Variants in EARS2 observed in about 807,000 individuals in gnomAD.
EARS2 encodes nondiscriminating glutamyl-tRNA synthetase EARS2, mitochondrial.
EARS2 carries 50 observed loss-of-function variants against 54.1 expected under a neutral mutation model. The ratio of observed to expected loss-of-function variants is 0.92; its 90% CI spans 0.74 to 1.17. The LOEUF (loss-of-function observed/expected upper bound fraction) is 1.17, where lower values mean the gene tolerates loss of function less well. EARS2 is among the 50% of genes most tolerant of loss of function. The probability of loss-of-function intolerance (pLI) is 0.00; values close to 1 mark genes in which losing one functional copy is unlikely to be tolerated. For missense variants in EARS2, 673 were observed against 675.0 expected, an observed-to-expected ratio of 1.00 and a Z score of 0.03; for synonymous variants, 298 against 281.0, an observed-to-expected ratio of 1.06 and a Z score of -0.61.
intron 2 of EARS2, among the ~76,000 whole-genome samples, chr16:23,548,510 T>C (rs1227895981): frequency 6.6e-6 from 1 of 152,096 alleles, no homozygotes; most frequent in Non-Finnish European, 1.5e-5. Context: ...GCGTGGTACC[T>C]GATAAGTAGC....
Position 23,525,104 on chromosome 16 carries a change from G to A in EARS2, c.1488+140C>T, listed in dbSNP as rs1342086271. On this transcript the variant is annotated intron_variant, in intron 8 of 8. Transcript: ENST00000449606. Reference sequence around the variant, plus strand: ...TAGTAGGTACTCAATAGTGTCTGTTGATTGACTAAATGAGGGGAGTGATCA... The same window carrying A: ...TAGTAGGTACTCAATAGTGTCTGTTAATTGACTAAATGAGGGGAGTGATCA... The A allele has an allele frequency of 2.6e-6, 3 of 1,132,822 alleles. No homozygotes were observed. The African/African-American group carries it at 4.6e-5, about 17-fold the overall frequency. The allele number at this position is 1,132,822 out of a possible 1,614,324, so 70.2% of individuals were successfully genotyped here. A position where few individuals can be genotyped will look rare whatever the true frequency, so the allele number is the denominator to read the frequency against.
chr16:23,523,102 G>C lies in EARS2; in HGVS notation c.*1269C>G, dbSNP rs959199001. ...CTTCAATAGTGTAGTGGTTACACAA[G>C]TCAGGCCTATTCAATGTGGGAAGGA... On this transcript the variant is annotated 3_prime_UTR_variant, in exon 9 of 9. Transcript: ENST00000449606. The C allele has an allele frequency of 6.6e-6, 1 of 152,228 alleles. No individual in the cohort carries two copies. Among genetic ancestry groups the C allele is most frequent in the African/African-American group, 2.4e-5 (1 of 41,450 alleles). The allele number at this position is 152,228 out of a possible 1,614,324, so 9.4% of individuals were successfully genotyped here. A position where few individuals can be genotyped will look rare whatever the true frequency, so the allele number is the denominator to read the frequency against.
intron 2 of EARS2, among the ~76,000 whole-genome samples, chr16:23,548,126 C>T (rs1021686238): frequency 5.3e-5 from 8 of 151,354 alleles, no homozygotes; most frequent in Admixed American, 1.3e-4. Flanking sequence ...TCCAGCTACT[C>T]GGGAGGCTGA....
At chr16:23,535,674 G>A (rs1965406240) in intron 3 of EARS2, among the ~76,000 whole-genome samples, 1 of 152,202 alleles carries the variant, frequency 6.6e-6, no homozygotes, top group South Asian at 2.1e-4. Flanking sequence ...CCATGCCAGT[G>A]ACCAGTCCAG....
In EARS2 at chr16:23,523,875, C is replaced by T. The variant is rs1271146537; in HGVS notation, c.*496G>A. 1 of 155,910 alleles carries T rather than the reference C, an allele frequency of 6.4e-6. No individual in the cohort carries two copies. Among genetic ancestry groups the T allele is most frequent in the Non-Finnish European group, 1.4e-5 (1 of 70,530 alleles). 9.7% of individuals were successfully genotyped at this position (155,910 alleles called of 1,614,324 possible). A position where few individuals can be genotyped will look rare whatever the true frequency, so the allele number is the denominator to read the frequency against. On this transcript the variant is annotated 3_prime_UTR_variant, in exon 9 of 9. Coordinates refer to ENST00000449606, the MANE Select transcript of EARS2 (RefSeq NM_001083614.2). ...GCATGGAGGGAAGACCGCACAAGGA[C>T]ACAGTGAGAAGACAGCTGTCTGCAA...
rs199880757 is a variant in EARS2 at position 23,535,278 on chromosome 16, G to A, written c.568C>T (p.Arg190Cys). 1.7e-4 allele frequency: 275 copies of A among 1,608,778 alleles called. No individual in the cohort carries two copies. The highest frequency in any genetic ancestry group is 2.0e-4 in the Non-Finnish European group (234 of 1,179,990). The part of the protein sequence containing the change: ...AKDPKPAIRF[R>C]LEQVVPAFQD... ...AAGGCTGGCACCACCTGCTCCAGGC[G>A]GAAGCGGATCGCAGGCTTGGGGTCC... Residue 190 changes from arginine to cysteine, a missense_variant, in exon 4 of 9, where the codon CGC (arginine) becomes TGC (cysteine). Transcript: ENST00000449606.
chr16:23,526,569 T>C (rs561950927), intron 7 of EARS2, among the ~76,000 whole-genome samples: 3 of 152,194 alleles, frequency 2.0e-5, no homozygotes, highest in East Asian at 1.9e-4. Context: ...AGATTTGACA[T>C]AGAATGGATA....
chr16:23,537,137 G>T, intron 3 of EARS2: 1 of 233,030 alleles, frequency 4.3e-6, no homozygotes, highest in Non-Finnish European at 9.5e-6. Context: ...AAAAGTTAAA[G>T]AAGAAAAAGT....
rs751170357 is a variant in EARS2 at position 23,525,378 on chromosome 16, G to C, written c.1354C>G (p.Leu452Val). 4 of 1,611,806 alleles carry C rather than the reference G, an allele frequency of 2.5e-6. No homozygotes were observed. The East Asian group carries it at 8.9e-5, about 36-fold the overall frequency. Reference protein sequence around the residue: ...VDVIAKRVLGLLERSSMSLTQ... With the variant: ...VDVIAKRVLGVLERSSMSLTQ... Reference sequence around the variant, plus strand: ...AAGCTCATACTAGATCTTTCTAGAAGCCTAGAAGAAGAGGGCCAGTTTACA... The same window carrying C: ...AAGCTCATACTAGATCTTTCTAGAACCCTAGAAGAAGAGGGCCAGTTTACA... The change falls in exon 8 of 9, where the codon CTT becomes GTT. Residue 452 changes from leucine to valine, a missense_variant and splice_region_variant. Physicochemically the swap from Leu to Val is conservative, Grantham distance 32. Coordinates refer to ENST00000449606, the MANE Select transcript of EARS2 (RefSeq NM_001083614.2).
intron 2 of EARS2, chr16:23,546,252 C>T: frequency 2.6e-6 from 1 of 384,962 alleles, no homozygotes. Context: ...CACAGGGACA[C>T]AAGAACTGGA....
intron 7 of EARS2, among the ~76,000 whole-genome samples, chr16:23,527,518 A>G (rs1039437581): frequency 6.7e-6 from 1 of 149,818 alleles, no homozygotes. Flanking sequence ...ACTGAAGCAG[A>G]TGAGTTTCAA....
At chr16:23,530,464 T>G (rs1567379772) in intron 5 of EARS2, among the ~76,000 whole-genome samples, 1 of 152,146 alleles carries the variant, frequency 6.6e-6, no homozygotes, top group Non-Finnish European at 1.5e-5. Context: ...TTTTATTTAT[T>G]TATTTTTGAG....
At chr16:23,554,121 C>A (rs1004053814) in intron 1 of EARS2, among the ~76,000 whole-genome samples, 1 of 152,058 alleles carries the variant, frequency 6.6e-6, no homozygotes, top group African/African-American at 2.4e-5. Context: ...TCAATCCTCC[C>A]ACGTCAGCCT....
chr16:23,554,613 T>C (rs1039727589), intron 1 of EARS2, among the ~76,000 whole-genome samples: 2 of 152,172 alleles, frequency 1.3e-5, no homozygotes, highest in Admixed American at 6.5e-5. Flanking sequence ...TCAACACTGA[T>C]GTGTGTAACC....
chr16:23,527,984 G>A (rs1210117150), intron 7 of EARS2, among the ~76,000 whole-genome samples: 1 of 152,200 alleles, frequency 6.6e-6, no homozygotes, highest in Admixed American at 6.5e-5. Context: ...AACAGGTCAT[G>A]CAGGCCGAGC....
chr16:23,540,968 G>A (rs1421582619), intron 3 of EARS2, among the ~76,000 whole-genome samples: 1 of 151,972 alleles, frequency 6.6e-6, no homozygotes, highest in East Asian at 1.9e-4. Context: ...ACCAGCCTGG[G>A]CAACAGAGCA....
intron 2 of EARS2, among the ~76,000 whole-genome samples, chr16:23,550,087 C>T (rs550205813): frequency 2.6e-5 from 4 of 152,174 alleles, no homozygotes; most frequent in East Asian, 1.9e-4. Flanking sequence ...GAGCCAGGAG[C>T]GATGGTTCAT....
At chr16:23,545,584 G>T (rs1965590150) in intron 2 of EARS2, among the ~76,000 whole-genome samples, 1 of 152,148 alleles carries the variant, frequency 6.6e-6, no homozygotes. Flanking sequence ...AGTAGAAGGG[G>T]CACGATCAGC....
At position 23,535,027 on chromosome 16, in the gene EARS2, G is replaced by A; in HGVS notation, c.819C>T (p.His273=). The change falls in exon 4 of 9, where the codon CAC becomes CAT. Residue 273 remains histidine, a synonymous_variant. Coordinates refer to ENST00000449606, the MANE Select transcript of EARS2 (RefSeq NM_001083614.2). The part of the protein sequence containing the change: ...ALGWQPPHFA[H]LPLLLNRDGS... ...CATCCCTGTTGAGGAGCAGGGGCAGGTGGGCGAAGTGGGGTGGCTGCCAGC... is the reference window on the plus strand; with the variant it reads ...CATCCCTGTTGAGGAGCAGGGGCAGATGGGCGAAGTGGGGTGGCTGCCAGC... 6.2e-7 allele frequency: 1 copy of A among 1,611,626 alleles called. No individual in the cohort carries two copies. The highest frequency in any genetic ancestry group is 8.5e-7 in the Non-Finnish European group (1 of 1,179,194).
Sources: allele counts gnomAD v4.1 joint callset (sites outside exome capture counted in the v4.1 genomes callset), GRCh38; gene constraint gnomAD v4.1.1; transcripts MANE v1.5; gene names NCBI Gene and HGNC (gene_info 2026-07-23, HGNC 2026-07-21).